The following BACH2 variants were observed in gnomAD, a reference collection of about 807,000 sequenced individuals.
BACH2 encodes the protein BACH transcriptional regulator 2.
In BACH2, 5 loss-of-function variants were observed where a neutral mutation model predicts 61.8. The ratio of observed to expected loss-of-function variants is 0.08; its 90% CI spans 0.04 to 0.17. The LOEUF (loss-of-function observed/expected upper bound fraction) is 0.17. Among genes scored for constraint, BACH2 ranks in the 10% least tolerant of loss-of-function variants. BACH2 has a pLI of 1.00. For missense variants in BACH2, 824 were observed against 1,091.1 expected, an observed-to-expected ratio of 0.76 and a Z score of 3.45; for synonymous variants, 446 against 440.1, an observed-to-expected ratio of 1.01 and a Z score of -0.17.
chr6:90,004,737 C>T (rs1777316735), intron 6 of BACH2, among the ~76,000 whole-genome samples: 1 of 152,226 alleles, frequency 6.6e-6, no homozygotes, highest in Non-Finnish European at 1.5e-5. Context: ...AAGGAGGTGT[C>T]ATACTAATGA....
intron 4 of BACH2, among the ~76,000 whole-genome samples, chr6:90,157,137 AAAGTGC>A (rs1287288038): frequency 2.0e-5 from 3 of 152,264 alleles, no homozygotes; most frequent in Non-Finnish European, 4.4e-5. Context: ...AGGTATGAAC[AAAGTGC>A]AGAGCCAAAG....
At chr6:89,988,234 T>C (rs1776348124) in intron 6 of BACH2, among the ~76,000 whole-genome samples, 1 of 152,248 alleles carries the variant, frequency 6.6e-6, no homozygotes, top group African/African-American at 2.4e-5. Context: ...TAAATAAATG[T>C]TGACCACAGC....
chr6:90,080,026 T>C (rs1284350890), intron 5 of BACH2, among the ~76,000 whole-genome samples: 1 of 151,886 alleles, frequency 6.6e-6, no homozygotes, highest in Non-Finnish European at 1.5e-5. Context: ...GACAACGTGA[T>C]CCGCAAGGCA....
intron 4 of BACH2, among the ~76,000 whole-genome samples, chr6:90,127,358 G>A (rs370712957): frequency 5.9e-5 from 9 of 152,138 alleles, no homozygotes; most frequent in East Asian, 3.9e-4. Context: ...CTCTCCCCCG[G>A]CCTCTGTTAC....
chr6:90,104,775 T>C (rs780394389), intron 4 of BACH2, among the ~76,000 whole-genome samples: 1 of 152,162 alleles, frequency 6.6e-6, no homozygotes, highest in Non-Finnish European at 1.5e-5. Context: ...ACATGTGGGC[T>C]GGGGTGTCCA....
intron 6 of BACH2, among the ~76,000 whole-genome samples, chr6:90,000,620 C>T (rs1489994033): frequency 6.6e-6 from 1 of 152,184 alleles, no homozygotes; most frequent in Admixed American, 6.5e-5. Context: ...AAACTGGTAA[C>T]TAGCATTGTT....
At chr6:89,955,450 A>T (rs1268419272) in intron 6 of BACH2, among the ~76,000 whole-genome samples, 1 of 152,216 alleles carries the variant, frequency 6.6e-6, no homozygotes, top group African/African-American at 2.4e-5. Flanking sequence ...TGAGGGGACT[A>T]GCAAGGGGGC....
chr6:90,128,971 C>T, intron 4 of BACH2, among the ~76,000 whole-genome samples: 1 of 151,990 alleles, frequency 6.6e-6, no homozygotes. Flanking sequence ...GGCAAAAAAC[C>T]AAACACCGCA....
At chr6:90,160,701 A>T (rs1236466577) in intron 4 of BACH2, among the ~76,000 whole-genome samples, 2 of 152,168 alleles carry the variant, frequency 1.3e-5, no homozygotes, top group Non-Finnish European at 2.9e-5. Context: ...GTCAGACTAT[A>T]TGGTTCTTCA....
intron 5 of BACH2, among the ~76,000 whole-genome samples, chr6:90,018,743 T>C (rs1441531416): frequency 6.6e-6 from 1 of 152,222 alleles, no homozygotes; most frequent in Non-Finnish European, 1.5e-5. Context: ...AGTTCTTTGG[T>C]ATTCCAATAA....
At chr6:90,157,990 G>A (rs1297549599) in intron 4 of BACH2, among the ~76,000 whole-genome samples, 7 of 152,146 alleles carry the variant, frequency 4.6e-5, no homozygotes, top group South Asian at 2.1e-4. Flanking sequence ...GGTATGTGGT[G>A]TCATGAGAGC....
At chr6:90,112,058 T>C (rs1045955539) in intron 4 of BACH2, among the ~76,000 whole-genome samples, 1 of 152,238 alleles carries the variant, frequency 6.6e-6, no homozygotes, top group Non-Finnish European at 1.5e-5. Context: ...CAAATTTAAG[T>C]CATAGATAAC....
intron 3 of BACH2, among the ~76,000 whole-genome samples, chr6:90,223,564 G>T (rs772501136): frequency 6.6e-6 from 1 of 152,046 alleles, no homozygotes; most frequent in Non-Finnish European, 1.5e-5. Context: ...GACCTCCTGG[G>T]CTCAGGTGAT....
At chr6:90,176,009 A>G (rs962078499) in intron 4 of BACH2, among the ~76,000 whole-genome samples, 3 of 152,050 alleles carry the variant, frequency 2.0e-5, no homozygotes, top group Non-Finnish European at 2.9e-5. Flanking sequence ...TGGAAACTCC[A>G]ATAAAGGCTG....
rs988665256 is a variant in BACH2 at position 89,932,291 on chromosome 6, T to C, written c.*117A>G. On this transcript the variant is annotated 3_prime_UTR_variant, in exon 9 of 9. Coordinates refer to ENST00000257749, the MANE Select transcript of BACH2 (RefSeq NM_021813.4). ...AACAGTATTGCTGCTAAGACCGCTG[T>C]AGTGTGCACCAAATGTGTTCTCGGT... The C allele has an allele frequency of 1.2e-5, 16 of 1,343,524 alleles. No individual in the cohort carries two copies. Among genetic ancestry groups the C allele is most frequent in the Middle Eastern group, 2.5e-4 (1 of 3,938 alleles). The allele number at this position is 1,343,524 out of a possible 1,614,324, so 83.2% of individuals were successfully genotyped here. A position where few individuals can be genotyped will look rare whatever the true frequency, so the allele number is the denominator to read the frequency against.
chr6:89,993,720 G>A (rs1049645596), intron 6 of BACH2, among the ~76,000 whole-genome samples: 1 of 152,000 alleles, frequency 6.6e-6, no homozygotes, highest in Non-Finnish European at 1.5e-5. Context: ...TCCAATTCAA[G>A]TGACATGTGG....
chr6:89,974,516 A>G (rs549166375), intron 6 of BACH2, among the ~76,000 whole-genome samples: 1 of 152,312 alleles, frequency 6.6e-6, no homozygotes, highest in South Asian at 2.1e-4. Context: ...GATTCCCCAT[A>G]TATCACGGGA....
intron 4 of BACH2, among the ~76,000 whole-genome samples, chr6:90,110,308 C>T (rs1478269155): frequency 3.3e-5 from 5 of 152,200 alleles, no homozygotes; most frequent in Non-Finnish European, 5.9e-5. Context: ...ACCTGAAAAT[C>T]TGTCAATAAA....
At chr6:90,247,246 CTT>C (rs1269813491) in intron 3 of BACH2, among the ~76,000 whole-genome samples, 16 of 141,066 alleles carry the variant, frequency 1.1e-4, no homozygotes, top group Admixed American at 1.4e-4. Context: ...TCTTCTTCTT[CTT>C]TTTTTTTTTT....
Sources: allele counts gnomAD v4.1 joint callset (sites outside exome capture counted in the v4.1 genomes callset), GRCh38; gene constraint gnomAD v4.1.1; transcripts MANE v1.5; gene names NCBI Gene and HGNC (gene_info 2026-07-23, HGNC 2026-07-21).